OR56A3: variants seen among roughly 807,000 people sequenced by gnomAD.
OR56A3 encodes olfactory receptor 56A3.
In OR56A3, 23 loss-of-function variants were observed where a neutral mutation model predicts 17.5. The ratio of observed to expected loss-of-function variants is 1.32; its 90% CI spans 0.95 to 1.87. The LOEUF (loss-of-function observed/expected upper bound fraction) is 1.87. Ranked by LOEUF, OR56A3 falls within the 40% of genes most tolerant of loss-of-function variation. OR56A3 has a pLI of 0.00. For synonymous variants in OR56A3, 175 were observed against 150.6 expected, an observed-to-expected ratio of 1.16 and a Z score of -1.19; for missense variants, 366 against 380.1, an observed-to-expected ratio of 0.96 and a Z score of 0.31.
the OR56A3 span, among the ~76,000 whole-genome samples, chr11:5,961,973 A>G: frequency 2.0e-5 from 3 of 152,156 alleles, no homozygotes; most frequent in Non-Finnish European, 2.9e-5. Flanking sequence ...GTCTTGTTCC[A>G]GATCTCGGAG....
the OR56A3 span, among the ~76,000 whole-genome samples, chr11:5,959,178 T>G: frequency 6.6e-6 from 1 of 152,198 alleles, no homozygotes; most frequent in African/African-American, 2.4e-5. Flanking sequence ...GCAGTTCTAT[T>G]TAATGTTTCA....
At chr11:5,960,672 G>A in the OR56A3 span, among the ~76,000 whole-genome samples, 10 of 152,150 alleles carry the variant, frequency 6.6e-5, 1 homozygote, top group South Asian at 8.3e-4. Flanking sequence ...GCCTCTGCCC[G>A]GCCGCCACCC....
the OR56A3 span, chr11:5,994,877 G>C: frequency 1.3e-6 from 1 of 757,238 alleles, no homozygotes; most frequent in African/African-American, 1.7e-5. Flanking sequence ...CACTCTGTCC[G>C]GGTAGGAGGC....
chr11:5,995,605 T>C, the OR56A3 span, among the ~76,000 whole-genome samples: 10 of 152,134 alleles, frequency 6.6e-5, no homozygotes, highest in African/African-American at 2.4e-4. Context: ...TTTTAGTATG[T>C]TTTTAATTGA....
the OR56A3 span, among the ~76,000 whole-genome samples, chr11:5,996,102 A>G: frequency 6.6e-6 from 1 of 152,188 alleles, no homozygotes; most frequent in Non-Finnish European, 1.5e-5. Context: ...AGGGATGTCT[A>G]TACTCCCATG....
At chr11:5,979,625 G>A in the OR56A3 span, among the ~76,000 whole-genome samples, 2 of 151,802 alleles carry the variant, frequency 1.3e-5, no homozygotes, top group Admixed American at 1.3e-4. Flanking sequence ...TATTAGCCTA[G>A]CTGATAATTT....
the OR56A3 span, among the ~76,000 whole-genome samples, chr11:5,981,802 A>G: frequency 6.6e-6 from 1 of 152,116 alleles, no homozygotes; most frequent in South Asian, 2.1e-4. Flanking sequence ...TGTTCCTCTA[A>G]TGTTTGGATT....
chr11:5,982,803 C>A, the OR56A3 span, among the ~76,000 whole-genome samples: 12 of 152,146 alleles, frequency 7.9e-5, no homozygotes, highest in Admixed American at 3.9e-4. Context: ...GGGTCCCCTG[C>A]AGCTAGGATT....
chr11:6,003,001 T>C, the OR56A3 span: 1 of 1,614,164 alleles, frequency 6.2e-7, no homozygotes. Context: ...ATGTAAAGTT[T>C]CCTGATCAAT....
the OR56A3 span, among the ~76,000 whole-genome samples, chr11:5,965,235 A>G: frequency 6.6e-6 from 1 of 152,240 alleles, no homozygotes; most frequent in Non-Finnish European, 1.5e-5. Flanking sequence ...AGCATGTTTT[A>G]GGCTCTGGTT....
At chr11:5,953,322 T>C (rs901637762), downstream of OR56A3, among the ~76,000 whole-genome samples, 1 of 152,172 alleles carries the variant, frequency 6.6e-6, no homozygotes, top group Admixed American at 6.5e-5. Context: ...CTGTTGTTTT[T>C]TTGACTTAAC....
At chr11:5,971,103 G>A in the OR56A3 span, among the ~76,000 whole-genome samples, 8 of 152,142 alleles carry the variant, frequency 5.3e-5, no homozygotes, top group Admixed American at 2.6e-4. Flanking sequence ...GGAAGCTTGG[G>A]GAATCTTAAA....
At chr11:6,016,653 A>G in the OR56A3 span, among the ~76,000 whole-genome samples, 3 of 152,116 alleles carry the variant, frequency 2.0e-5, no homozygotes, top group South Asian at 6.2e-4. Flanking sequence ...TTCTACAGCA[A>G]CAGATTCCAA....
chr11:5,945,043 C>T lies in OR56A3; in HGVS notation c.-76C>T, dbSNP rs1847860421. ...AACTGCTTTTGGGGAATAGGAAAGA[C>T]AACTGAAAACAAAAAGCCTACCTGA... On this transcript the variant is annotated 5_prime_UTR_variant, in exon 2 of 3. Coordinates refer to ENST00000641160, the MANE Select transcript of OR56A3 (RefSeq NM_001003443.3). 6.6e-6 allele frequency: 1 copy of T among 152,180 alleles called. No individual in the cohort carries two copies. Among genetic ancestry groups the T allele is most frequent in the Non-Finnish European group, 1.5e-5 (1 of 68,034 alleles). 9.4% of individuals were successfully genotyped at this position (152,180 alleles called of 1,614,324 possible). A position where few individuals can be genotyped will look rare whatever the true frequency, so the allele number is the denominator to read the frequency against.
At chr11:6,002,069 G>A in the OR56A3 span, 1 of 1,594,096 alleles carries the variant, frequency 6.3e-7, no homozygotes, top group Admixed American at 1.7e-5. Context: ...TCTTCAGCAG[G>A]TTTTGGATTC....
the OR56A3 span, among the ~76,000 whole-genome samples, chr11:5,981,008 T>C: frequency 6.6e-6 from 1 of 152,238 alleles, no homozygotes. Context: ...TTTTAGTTTG[T>C]GAGGTTTTTT....
chr11:5,987,800 A>G, the OR56A3 span, among the ~76,000 whole-genome samples: 1 of 152,100 alleles, frequency 6.6e-6, no homozygotes, highest in Non-Finnish European at 1.5e-5. Flanking sequence ...CTTAGTTTAC[A>G]CCCAACTTCT....
chr11:6,009,651 C>T, the OR56A3 span, among the ~76,000 whole-genome samples: 1 of 152,156 alleles, frequency 6.6e-6, no homozygotes, highest in Non-Finnish European at 1.5e-5. Context: ...TGCCGCTCCT[C>T]TATAGGTAAT....
chr11:5,948,401 A>G lies in OR56A3; in HGVS notation c.*107A>G, dbSNP rs972527184. ...TGTGACTTATAACCTCAAACTGGGT[A>G]CACTAGATATTGTGTGTGCTTTTCA... On this transcript the variant is annotated 3_prime_UTR_variant, in exon 3 of 3. Transcript: ENST00000641160. 5.6e-6 allele frequency: 4 copies of G among 708,470 alleles called. No homozygotes were observed. Among genetic ancestry groups the G allele is most frequent in the Non-Finnish European group, 2.4e-6 (1 of 420,758 alleles). The allele number at this position is 708,470 out of a possible 1,614,324, so 43.9% of individuals were successfully genotyped here.
Sources: gnomAD v4.1 joint callset for allele counts (sites outside exome capture counted in the v4.1 genomes callset) on GRCh38, gnomAD v4.1.1 for gene constraint, MANE v1.5 for transcripts, NCBI Gene and HGNC (gene_info 2026-07-23, HGNC 2026-07-21) for gene names.